Variants in NEBL observed in about 807,000 individuals in gnomAD.
NEBL encodes the protein LIM and SH3 protein 2.
A neutral mutation model predicts 140.2 loss-of-function variants in NEBL; 122 were observed. The observed-to-expected ratio is 0.87, with a 90% CI of 0.75 to 1.01. NEBL has a LOEUF of 1.01. Ranked by LOEUF, NEBL falls within the 50% of genes least tolerant of loss-of-function variation. The probability of loss-of-function intolerance (pLI) is 0.00; values close to 1 mark genes in which losing one functional copy is unlikely to be tolerated. For missense variants in NEBL, 1,365 were observed against 1,231.3 expected (o/e 1.11, Z -1.62); for synonymous variants, 436 against 398.9 (o/e 1.09, Z -1.11).
At chr10:20,825,939 GA>G (rs1839807360) in intron 18 of NEBL, among the ~76,000 whole-genome samples, 1 of 152,140 alleles carries the variant, frequency 6.6e-6, no homozygotes, top group South Asian at 2.1e-4. Context: ...AAACAGGCTG[GA>G]AAGAAGAAAT....
At chr10:21,160,608 C>A (rs1589297291) in intron 2 of NEBL, among the ~76,000 whole-genome samples, 1 of 105,298 alleles carries the variant, frequency 9.5e-6, no homozygotes, top group African/African-American at 3.7e-5. Context: ...GAAAAGACTT[C>A]AAATAGAGAG....
At chr10:21,135,207 T>A (rs749562188) in intron 2 of NEBL, among the ~76,000 whole-genome samples, 1 of 152,158 alleles carries the variant, frequency 6.6e-6, no homozygotes, top group Non-Finnish European at 1.5e-5. Flanking sequence ...GAAAACACAT[T>A]TTCCTCTTCC....
At chr10:20,876,033 T>C (rs1233268876) in intron 5 of NEBL, among the ~76,000 whole-genome samples, 1 of 152,202 alleles carries the variant, frequency 6.6e-6, no homozygotes, top group Non-Finnish European at 1.5e-5. Flanking sequence ...GCTAATTCCA[T>C]CTCAAATGAT....
chr10:21,038,028 T>C (rs1305019092), intron 2 of NEBL, among the ~76,000 whole-genome samples: 1 of 151,688 alleles, frequency 6.6e-6, no homozygotes, highest in Non-Finnish European at 1.5e-5. Context: ...AGAAACCTTC[T>C]AGAGAGAGAG....
At chr10:21,110,798 G>A in intron 2 of NEBL, 1 of 580,934 alleles carries the variant, frequency 1.7e-6, no homozygotes, top group Non-Finnish European at 3.3e-6. Context: ...AGAACAGTCA[G>A]GTTAGGGACT....
chr10:20,878,761 A>G (rs750104471), intron 5 of NEBL, among the ~76,000 whole-genome samples: 8 of 152,324 alleles, frequency 5.3e-5, no homozygotes, highest in Middle Eastern at 3.4e-3. Flanking sequence ...TCGGCAGAGG[A>G]GTATAAGTAA....
At chr10:21,287,876 C>G (rs1843079763) in intron 1 of NEBL, among the ~76,000 whole-genome samples, 1 of 152,036 alleles carries the variant, frequency 6.6e-6, no homozygotes, top group African/African-American at 2.4e-5. Flanking sequence ...TTATTTGGAT[C>G]CCAGTGCAAA....
chr10:21,104,111 G>T (rs1046001149), intron 2 of NEBL, among the ~76,000 whole-genome samples: 5 of 152,116 alleles, frequency 3.3e-5, no homozygotes, highest in Admixed American at 1.3e-4. Flanking sequence ...GCTCTACATC[G>T]CCCTGTATAT....
intron 10 of NEBL, among the ~76,000 whole-genome samples, chr10:20,852,039 T>C (rs553522980): frequency 6.6e-6 from 1 of 152,268 alleles, no homozygotes; most frequent in South Asian, 2.1e-4. Flanking sequence ...CTTTAAAGTA[T>C]GCTAGAGAGA....
intron 2 of NEBL, among the ~76,000 whole-genome samples, chr10:21,104,373 A>G (rs1199843372): frequency 1.3e-5 from 2 of 151,636 alleles, no homozygotes. Flanking sequence ...AGCATTGTAT[A>G]TCTCCCCATT....
At chr10:21,257,283 T>G (rs893224072) in intron 1 of NEBL, among the ~76,000 whole-genome samples, 2 of 152,210 alleles carry the variant, frequency 1.3e-5, no homozygotes, top group Non-Finnish European at 2.9e-5. Flanking sequence ...TATATAAATA[T>G]CTTCACTGCC....
At chr10:20,901,082 T>C (rs1847851228), upstream of NEBL, among the ~76,000 whole-genome samples, 1 of 152,066 alleles carries the variant, frequency 6.6e-6, no homozygotes, top group African/African-American at 2.4e-5. Flanking sequence ...AAGCTTTTTT[T>C]CAACCACCAA....
chr10:21,089,223 T>C (rs1283378430), intron 2 of NEBL, among the ~76,000 whole-genome samples: 1 of 152,112 alleles, frequency 6.6e-6, no homozygotes, highest in Non-Finnish European at 1.5e-5. Context: ...AGGACAGGTC[T>C]GTGGGGTGAC....
At chr10:21,235,579 T>C (rs992244587) in intron 3 of NEBL, among the ~76,000 whole-genome samples, 4 of 152,124 alleles carry the variant, frequency 2.6e-5, no homozygotes, top group Admixed American at 6.6e-5. Flanking sequence ...CCTCCCAAAG[T>C]GCTGGGATAA....
intron 2 of NEBL, among the ~76,000 whole-genome samples, chr10:21,038,867 G>T (rs1462706993): frequency 6.6e-6 from 1 of 152,114 alleles, no homozygotes; most frequent in Non-Finnish European, 1.5e-5. Context: ...ATCCTCACCA[G>T]CATCTGTTGT....
At chr10:21,180,457 C>T (rs139931202) in intron 3 of NEBL, among the ~76,000 whole-genome samples, 28 of 152,266 alleles carry the variant, frequency 1.8e-4, no homozygotes, top group African/African-American at 6.0e-4. Context: ...TCTCTTTCTC[C>T]GCCCCATCGA....
Position 20,859,777 on chromosome 10 carries a change from T to G in NEBL, c.734A>C (p.His245Pro), listed in dbSNP as rs757782269. 1 of 1,601,754 alleles carries G rather than the reference T, an allele frequency of 6.2e-7. No homozygotes were observed. The highest frequency in any genetic ancestry group is 8.5e-7 in the Non-Finnish European group (1 of 1,169,954). Residue 245 changes from histidine (H) to proline (P), a missense_variant, in exon 8 of 28, where the codon CAT (histidine) becomes CCT (proline). This residue lies in a region of NEBL where 1,323 missense variants were observed against 1,154.8 expected (regional missense o/e 1.15). Coordinates refer to ENST00000377122, the MANE Select transcript of NEBL (RefSeq NM_006393.3). ...AGAAGCACTTTCAAGAGGATTGTAA[T>G]GATGTTTCTTATCCTTCATTTCATT... Reference protein sequence around the residue: ...FDNEMKDKKHHYNPLESASFR... With the variant: ...FDNEMKDKKHPYNPLESASFR...
chr10:20,892,627 A>G (rs1256838664), intron 2 of NEBL, among the ~76,000 whole-genome samples: 1 of 152,192 alleles, frequency 6.6e-6, no homozygotes, highest in East Asian at 1.9e-4. Flanking sequence ...ATGATCATTA[A>G]GATGTCCCAA....
At chr10:20,969,546 T>C (rs1403071481) in intron 3 of NEBL, among the ~76,000 whole-genome samples, 1 of 116,056 alleles carries the variant, frequency 8.6e-6, no homozygotes, top group Non-Finnish European at 1.6e-5. Context: ...TTTCTTTTCT[T>C]TTTTTTTTTT....
Sources: gnomAD v4.1 joint callset for allele counts (sites outside exome capture counted in the v4.1 genomes callset) on GRCh38, gnomAD v4.1.1 for gene constraint, gnomAD v4.1.1 regional missense constraint, MANE v1.5 for transcripts, NCBI Gene and HGNC (gene_info 2026-07-23, HGNC 2026-07-21) for gene names.